The following IMMP2L variants were observed in gnomAD, a reference collection of about 807,000 sequenced individuals.
The protein encoded by IMMP2L is mitochondrial inner membrane protease subunit 2.
IMMP2L carries 18 observed loss-of-function variants against 19.3 expected under a neutral mutation model. The ratio of observed to expected loss-of-function variants is 0.93; its 90% CI spans 0.64 to 1.38. The LOEUF (loss-of-function observed/expected upper bound fraction) is 1.38. IMMP2L is among the 40% of genes most tolerant of loss of function. The pLI is 0.00. For missense variants in IMMP2L, 233 were observed against 218.2 expected, an observed-to-expected ratio of 1.07 and a Z score of -0.43; for synonymous variants, 76 against 73.0, an observed-to-expected ratio of 1.04 and a Z score of -0.21.
At chr7:111,140,299 AAAC>A (rs1802749446) in intron 3 of IMMP2L, among the ~76,000 whole-genome samples, 1 of 152,202 alleles carries the variant, frequency 6.6e-6, no homozygotes, top group East Asian at 1.9e-4. Context: ...CTGCCCTGTA[AAAC>A]AACAATAACA....
chr7:111,067,967 G>A (rs2129575057), intron 3 of IMMP2L, among the ~76,000 whole-genome samples: 1 of 152,280 alleles, frequency 6.6e-6, no homozygotes, highest in East Asian at 1.9e-4. Context: ...ATCCTTCAAA[G>A]AAGACTTAAC....
At chr7:111,468,328 C>CA (rs34481882) in intron 3 of IMMP2L, among the ~76,000 whole-genome samples, 5 of 150,286 alleles carry the variant, frequency 3.3e-5, no homozygotes, top group African/African-American at 9.8e-5. Context: ...GATTTACTTA[C>CA]AAAAAAAAAG....
At chr7:111,349,713 C>T (rs939287628) in intron 3 of IMMP2L, among the ~76,000 whole-genome samples, 5 of 151,982 alleles carry the variant, frequency 3.3e-5, no homozygotes, top group African/African-American at 1.2e-4. Context: ...GATAAAACAG[C>T]CACTGAAAGA....
At chr7:111,508,312 A>C (rs919555438) in intron 2 of IMMP2L, among the ~76,000 whole-genome samples, 2 of 152,158 alleles carry the variant, frequency 1.3e-5, no homozygotes, top group African/African-American at 2.4e-5. Flanking sequence ...TTACGAAGAA[A>C]TAAAAATAAA....
At chr7:111,281,248 A>C (rs1819836569) in intron 3 of IMMP2L, among the ~76,000 whole-genome samples, 1 of 138,100 alleles carries the variant, frequency 7.2e-6, no homozygotes, top group Non-Finnish European at 1.5e-5. Context: ...AAGAAAGAAG[A>C]GAGAGAGAGA....
chr7:110,817,339 T>C (rs1441952689), intron 5 of IMMP2L, among the ~76,000 whole-genome samples: 1 of 151,980 alleles, frequency 6.6e-6, no homozygotes, highest in Admixed American at 6.6e-5. Flanking sequence ...GAGAGCCAAA[T>C]CATGAGTGAA....
chr7:110,805,152 C>T lies in IMMP2L; in HGVS notation c.408+81441G>A, dbSNP rs575723527. ...AAGGTAGATGAGTGACTCAAAAGTC[C>T]TACTGAATAAATAAACAAAGGTGCT... On this transcript the variant is annotated intron_variant, in intron 5 of 5. Coordinates refer to ENST00000405709, the MANE Select transcript of IMMP2L (RefSeq NM_032549.4). Among the ~76,000 whole-genome samples, 5 of 152,132 alleles carry T rather than the reference C, an allele frequency of 3.3e-5. No individual in the cohort carries two copies. The South Asian group carries it at 8.3e-4, about 25-fold the overall frequency.
At chr7:111,299,680 G>A (rs949873463) in intron 3 of IMMP2L, among the ~76,000 whole-genome samples, 2 of 151,480 alleles carry the variant, frequency 1.3e-5, no homozygotes, top group Non-Finnish European at 2.9e-5. Flanking sequence ...ACAGTTTACT[G>A]TAGTTTCTGA....
chr7:111,266,062 C>T (rs1207691034), intron 3 of IMMP2L, among the ~76,000 whole-genome samples: 1 of 152,074 alleles, frequency 6.6e-6, no homozygotes, highest in African/African-American at 2.4e-5. Context: ...ATACTTTAAA[C>T]ATGTTTAAAC....
intron 4 of IMMP2L, among the ~76,000 whole-genome samples, chr7:110,944,468 C>T (rs549586232): frequency 1.4e-4 from 21 of 151,284 alleles, no homozygotes; most frequent in Non-Finnish European, 2.1e-4. Flanking sequence ...TGTGTGCGCG[C>T]GCACGTGTGT....
intron 5 of IMMP2L, among the ~76,000 whole-genome samples, chr7:110,849,467 T>G (rs908369684): frequency 6.6e-6 from 1 of 152,010 alleles, no homozygotes; most frequent in African/African-American, 2.4e-5. Context: ...ATAAATCAAT[T>G]TGAAAAATAA....
intron 3 of IMMP2L, among the ~76,000 whole-genome samples, chr7:111,345,527 G>C (rs1352936494): frequency 1.3e-5 from 2 of 152,176 alleles, no homozygotes; most frequent in African/African-American, 4.8e-5. Context: ...TTGATTATTT[G>C]AGGACTGCAA....
Position 111,032,965 on chromosome 7 carries a change from C to A in IMMP2L, c.240-69400G>T, listed in dbSNP as rs1790981995. 2.0e-5 allele frequency among the ~76,000 whole-genome samples: 3 copies of A among 151,926 alleles called. No individual in the cohort carries two copies. The South Asian group carries it at 6.2e-4, about 32-fold the overall frequency. On this transcript the variant is annotated intron_variant, in intron 3 of 5. Transcript: ENST00000405709. ...TGAAACGCCATCTCTACCACAAATA[C>A]AAAAATTAGCTGGGCATGGTGGCAT...
At chr7:110,776,855 G>A (rs999310882) in intron 5 of IMMP2L, among the ~76,000 whole-genome samples, 1 of 151,856 alleles carries the variant, frequency 6.6e-6, no homozygotes, top group African/African-American at 2.4e-5. Context: ...ACCTCCCACT[G>A]TATCTGGTAT....
intron 3 of IMMP2L, among the ~76,000 whole-genome samples, chr7:111,466,485 A>T (rs867582022): frequency 1.3e-5 from 2 of 152,188 alleles, no homozygotes; most frequent in South Asian, 4.1e-4. Context: ...AAACTTATTT[A>T]AAAAATTCCC....
At chr7:110,669,401 A>G (rs1237363964) in intron 5 of IMMP2L, among the ~76,000 whole-genome samples, 3 of 152,182 alleles carry the variant, frequency 2.0e-5, no homozygotes, top group East Asian at 1.9e-4. Flanking sequence ...CCCACATTAC[A>G]GACAGTAATC....
At chr7:111,317,991 C>T (rs1384154739) in intron 3 of IMMP2L, among the ~76,000 whole-genome samples, 4 of 151,964 alleles carry the variant, frequency 2.6e-5, no homozygotes, top group Non-Finnish European at 4.4e-5. Flanking sequence ...TTTCAATCTG[C>T]CCTTTAATGA....
intron 3 of IMMP2L, among the ~76,000 whole-genome samples, chr7:110,988,640 G>C (rs115049873): frequency 0.022 from 3,381 of 152,050 alleles, 135 homozygotes; most frequent in African/African-American, 0.074. Context: ...AAAAAACCTG[G>C]TCTATATACA....
At chr7:110,981,540 GA>G (rs955279248) in intron 3 of IMMP2L, among the ~76,000 whole-genome samples, 36 of 125,668 alleles carry the variant, frequency 2.9e-4, no homozygotes, top group Middle Eastern at 3.9e-3. Context: ...TTCACTTAAA[GA>G]AAAAAAAAAC....
Sources: allele counts gnomAD v4.1 joint callset (sites outside exome capture counted in the v4.1 genomes callset), GRCh38; gene constraint gnomAD v4.1.1; transcripts MANE v1.5; gene names NCBI Gene and HGNC (gene_info 2026-07-23, HGNC 2026-07-21).